Variants in ABI1 observed in about 807,000 individuals in gnomAD.
The protein encoded by ABI1 is Abelson interactor 1.
ABI1 carries 14 observed loss-of-function variants against 54.6 expected under a neutral mutation model. The ratio of observed to expected loss-of-function variants is 0.26; its 90% CI spans 0.17 to 0.40. The LOEUF (loss-of-function observed/expected upper bound fraction) is 0.40, where lower values mean the gene tolerates loss of function less well. Ranked by LOEUF, ABI1 falls within the 10% of genes least tolerant of loss-of-function variation. The pLI is 1.00. For synonymous variants in ABI1, 194 were observed against 209.3 expected, an observed-to-expected ratio of 0.93 and a Z score of 0.63; for missense variants, 443 against 598.3, an observed-to-expected ratio of 0.74 and a Z score of 2.71.
At chr10:26,749,203 T>C (rs534338550) in intron 10 of ABI1, among the ~76,000 whole-genome samples, 13 of 152,114 alleles carry the variant, frequency 8.5e-5, no homozygotes, top group African/African-American at 2.2e-4. Flanking sequence ...CAAGGACCCA[T>C]GCTAATTTAA....
At position 26,770,968 on chromosome 10, in the gene ABI1, G is replaced by A. The variant is rs930138633; in HGVS notation, c.477+107C>T. 3.5e-6 allele frequency: 4 copies of A among 1,136,542 alleles called. No homozygotes were observed. In the African/African-American group the frequency reaches 6.2e-5, roughly 18 times the overall value. 70.4% of individuals were successfully genotyped at this position (1,136,542 alleles called of 1,614,324 possible). A position where few individuals can be genotyped will look rare whatever the true frequency, so the allele number is the denominator to read the frequency against. ...TTAAATAATCTACATAAATCCTACA[G>A]GGAAAAGCAGACAGACATAAGAAGA... On this transcript the variant is annotated intron_variant, in intron 4 of 10. Coordinates refer to ENST00000376140, the MANE Select transcript of ABI1 (RefSeq NM_001012750.3).
At position 26,747,564 on chromosome 10, in the gene ABI1, G is replaced by GT; in HGVS notation, c.*1005dup. ...CCTTTCATTGAACCAGTGTACAACA[G>GT]TTCACTGTACAACTGAAGGACTGAC... is the stretch of plus-strand genomic sequence containing the variant. On this transcript the variant is annotated 3_prime_UTR_variant, in exon 11 of 11. Coordinates refer to ENST00000376140, the MANE Select transcript of ABI1 (RefSeq NM_001012750.3). 4.9e-6 allele frequency: 1 copy of GT among 203,148 alleles called. No homozygotes were observed. Among genetic ancestry groups the GT allele is most frequent in the Non-Finnish European group, 1.0e-5 (1 of 99,040 alleles). The allele number at this position is 203,148 out of a possible 1,614,324, so 12.6% of individuals were successfully genotyped here.
At chr10:26,794,436 T>C (rs1843866344) in intron 2 of ABI1, among the ~76,000 whole-genome samples, 1 of 151,716 alleles carries the variant, frequency 6.6e-6, no homozygotes, top group Non-Finnish European at 1.5e-5. Flanking sequence ...TAAAATAAAA[T>C]TCTCTACATA....
intron 1 of ABI1, among the ~76,000 whole-genome samples, chr10:26,826,937 G>C (rs572931216): frequency 1.3e-5 from 2 of 151,000 alleles, no homozygotes; most frequent in Non-Finnish European, 3.0e-5. Context: ...TTTTTGAGAC[G>C]GAGTCTCGCT....
chr10:26,771,172 C>T (rs1407926646), intron 3 of ABI1, 83 bp from the exon 4 acceptor site: 2 of 1,434,730 alleles, frequency 1.4e-6, no homozygotes, highest in East Asian at 4.6e-5. Context: ...TTTACATTTA[C>T]AGTTACTCAA....
chr10:26,840,590 C>A (rs879824365), intron 1 of ABI1, among the ~76,000 whole-genome samples: 1 of 152,094 alleles, frequency 6.6e-6, no homozygotes, highest in African/African-American at 2.4e-5. Flanking sequence ...TGACAAATTA[C>A]GTGTATCCTA....
intron 2 of ABI1, among the ~76,000 whole-genome samples, chr10:26,805,404 A>G (rs1165731520): frequency 6.6e-6 from 1 of 151,624 alleles, no homozygotes; most frequent in Non-Finnish European, 1.5e-5. Context: ...GGACAGTTCC[A>G]AAGTCACTTT....
At chr10:26,822,664 T>C (rs1192712302) in intron 2 of ABI1, among the ~76,000 whole-genome samples, 2 of 151,924 alleles carry the variant, frequency 1.3e-5, no homozygotes, top group Admixed American at 1.3e-4. Flanking sequence ...TGTAAACTAA[T>C]CTCTAGGGAC....
chr10:26,835,780 T>A lies in ABI1; in HGVS notation c.118-12475A>T, dbSNP rs1014670418. Among the ~76,000 whole-genome samples, 576 of 150,052 alleles carry A rather than the reference T, an allele frequency of 3.8e-3. 6 individuals are homozygous for A. Among genetic ancestry groups the A allele is most frequent in the East Asian group, 0.03 (154 of 5,144 alleles). On this transcript the variant is annotated intron_variant, in intron 1 of 10. Transcript: ENST00000376140. ...GGAAAAAAATATTTTTACTAATATT[T>A]TTTTTTTTTTTTTGAGACTGGGTCC...
chr10:26,836,670 T>A (rs2049102368), intron 1 of ABI1, among the ~76,000 whole-genome samples: 1 of 152,186 alleles, frequency 6.6e-6, no homozygotes, highest in Admixed American at 6.5e-5. Flanking sequence ...ATAAGGCTAA[T>A]AGTACCTCCC....
intron 7 of ABI1, among the ~76,000 whole-genome samples, chr10:26,760,012 T>C (rs978453421): frequency 3.9e-5 from 6 of 151,910 alleles, no homozygotes; most frequent in African/African-American, 1.5e-4. Context: ...TAGTTTTGTT[T>C]AGCAAATCTA....
chr10:26,765,811 G>C (rs1357012542), intron 6 of ABI1, among the ~76,000 whole-genome samples: 1 of 152,024 alleles, frequency 6.6e-6, no homozygotes. Flanking sequence ...TATTTGAAAT[G>C]GTTTCCTCTA....
At chr10:26,752,941 A>T (rs1016524218) in intron 9 of ABI1, among the ~76,000 whole-genome samples, 4 of 152,318 alleles carry the variant, frequency 2.6e-5, no homozygotes, top group Admixed American at 2.6e-4. Flanking sequence ...GCAGGGGAGA[A>T]GTTCATAATA....
chr10:26,843,134 T>C (rs2049657622), intron 1 of ABI1, among the ~76,000 whole-genome samples: 1 of 151,920 alleles, frequency 6.6e-6, no homozygotes, highest in African/African-American at 2.4e-5. Flanking sequence ...AAAGATTATA[T>C]GATTTATAGT....
At chr10:26,790,653 T>G (rs1037329978) in intron 2 of ABI1, 1 of 152,210 alleles carries the variant, frequency 6.6e-6, no homozygotes, top group Non-Finnish European at 1.5e-5. Flanking sequence ...CCACTTATGT[T>G]GTATTTTTAT....
At chr10:26,800,824 T>C (rs772820889) in intron 2 of ABI1, among the ~76,000 whole-genome samples, 3 of 152,096 alleles carry the variant, frequency 2.0e-5, no homozygotes, top group Non-Finnish European at 4.4e-5. Flanking sequence ...CTTACCAACA[T>C]GGAGAAACCC....
At chr10:26,839,679 G>A in intron 1 of ABI1, 1 of 647,734 alleles carries the variant, frequency 1.5e-6, no homozygotes, top group Non-Finnish European at 2.7e-6. Context: ...TGCCAGGCTT[G>A]GTGGCTCACA....
chr10:26,845,237 A>G (rs1445169070), intron 1 of ABI1, among the ~76,000 whole-genome samples: 2 of 152,080 alleles, frequency 1.3e-5, no homozygotes, highest in Admixed American at 6.6e-5. Flanking sequence ...AAAAATAACA[A>G]TTATTTTTCT....
intron 2 of ABI1, among the ~76,000 whole-genome samples, chr10:26,780,542 G>GCACA (rs1301056980): frequency 6.6e-6 from 1 of 152,208 alleles, no homozygotes. Flanking sequence ...GGACTGATCA[G>GCACA]CACACAGCTA....
Sources: allele counts gnomAD v4.1 joint callset (sites outside exome capture counted in the v4.1 genomes callset), GRCh38; gene constraint gnomAD v4.1.1; transcripts MANE v1.5; gene names NCBI Gene and HGNC (gene_info 2026-07-23, HGNC 2026-07-21).